The following DNAH9 variants were observed in gnomAD, a reference collection of about 807,000 sequenced individuals.
The protein encoded by DNAH9 is dynein axonemal heavy chain 9.
In DNAH9, 345 loss-of-function variants were observed where a neutral mutation model predicts 471.6. That is an observed-to-expected ratio of 0.73 (90% CI 0.67 to 0.80). DNAH9 has a LOEUF of 0.80. DNAH9 is among the 30% of genes least tolerant of loss of function. The probability of loss-of-function intolerance (pLI) is 0.00; values close to 1 mark genes in which losing one functional copy is unlikely to be tolerated. For missense variants in DNAH9, 5,407 were observed against 5,609.2 expected (o/e 0.96, Z 1.15); for synonymous variants, 2,093 against 2,123.6 (o/e 0.99, Z 0.40).
intron 67 of DNAH9, among the ~76,000 whole-genome samples, chr17:11,946,681 G>GA (rs1225114537): frequency 9.0e-6 from 1 of 110,546 alleles, no homozygotes; most frequent in Non-Finnish European, 2.0e-5. Context: ...AAAAAAAAAA[G>GA]AAAAAGAAAA....
At chr17:11,824,291 T>C (rs911396645) in intron 48 of DNAH9, among the ~76,000 whole-genome samples, 3 of 152,242 alleles carry the variant, frequency 2.0e-5, no homozygotes, top group African/African-American at 7.2e-5. Flanking sequence ...AATTGTTCTA[T>C]TGAACTTTCT....
In DNAH9 at chr17:11,886,924, G is replaced by A. The variant is rs138333222; in HGVS notation, c.11071G>A (p.Asp3691Asn). 6 of 1,612,902 alleles carry A rather than the reference G, an allele frequency of 3.7e-6. No individual in the cohort carries two copies. The highest frequency in any genetic ancestry group is 2.2e-5 in the East Asian group (1 of 44,840). ...CTCACTGCTCTACTTCATCATGAAC[G>A]ACCTCAGCAAGATCCATCCAATGTA... Reference protein sequence around the residue: ...RASLLYFIMNDLSKIHPMYQF... With the variant: ...RASLLYFIMNNLSKIHPMYQF... The change falls in exon 57 of 69, where the codon GAC (aspartate) becomes AAC (asparagine). Residue 3691 changes from aspartate (D) to asparagine (N), a missense_variant. Around this residue, in one of 3 missense-constraint regions of DNAH9, gnomAD observed 4,636 missense variants for 4,900.3 expected, o/e 0.95. Transcript: ENST00000262442.
At position 11,781,149 on chromosome 17, in the gene DNAH9, C is replaced by CGGCAGCATCT; in HGVS notation, c.7696_7705dup (p.Asp2569AlafsTer10). The CGGCAGCATCT allele has an allele frequency of 1.2e-6, 2 of 1,614,126 alleles. No homozygotes were observed. The highest frequency in any genetic ancestry group is 1.7e-6 in the Non-Finnish European group (2 of 1,180,016). Reference sequence around the variant, plus strand: ...GACGGTGCAGCCCCACACCATCATCCGGCAGCATCTGGACTATGGCCACTG... The same window carrying CGGCAGCATCT: ...GACGGTGCAGCCCCACACCATCATCCGGCAGCATCTGGCAGCATCTGGACTATGGCCACTG... On this transcript the variant is annotated frameshift_variant, in exon 39 of 69. Transcript: ENST00000262442. LOFTEE classifies it high-confidence loss of function.
intron 53 of DNAH9, among the ~76,000 whole-genome samples, chr17:11,878,155 G>GT (rs1454213333): frequency 6.6e-6 from 1 of 152,206 alleles, no homozygotes; most frequent in African/African-American, 2.4e-5. Flanking sequence ...ACAGGTGTAT[G>GT]TTCTTTTTGC....
At chr17:11,605,117 C>T (rs1253287948) in intron 1 of DNAH9, among the ~76,000 whole-genome samples, 1 of 152,150 alleles carries the variant, frequency 6.6e-6, no homozygotes, top group African/African-American at 2.4e-5. Context: ...GCTTCCACCT[C>T]GGGGCCTTTG....
At chr17:11,914,740 C>A (rs766357341) in intron 61 of DNAH9, among the ~76,000 whole-genome samples, 1 of 152,074 alleles carries the variant, frequency 6.6e-6, no homozygotes, top group Non-Finnish European at 1.5e-5. Flanking sequence ...TGTCGGTGAC[C>A]TGTTTTTATT....
intron 49 of DNAH9, among the ~76,000 whole-genome samples, chr17:11,842,663 G>A (rs780874831): frequency 6.6e-6 from 1 of 152,216 alleles, no homozygotes; most frequent in Non-Finnish European, 1.5e-5. Flanking sequence ...TCTGATGTTA[G>A]AGGGCAGAAA....
At chr17:11,724,268 T>C (rs1287587898) in intron 27 of DNAH9, among the ~76,000 whole-genome samples, 1 of 152,194 alleles carries the variant, frequency 6.6e-6, no homozygotes, top group African/African-American at 2.4e-5. Context: ...TATTGTGCTG[T>C]TGAACACTAT....
intron 26 of DNAH9, among the ~76,000 whole-genome samples, chr17:11,716,789 G>C (rs779234924): frequency 1.3e-5 from 2 of 152,232 alleles, no homozygotes; most frequent in East Asian, 1.9e-4. Flanking sequence ...CTATGGGACA[G>C]AAAGGCAATG....
At chr17:11,781,556 A>C (rs772254780) in intron 39 of DNAH9, among the ~76,000 whole-genome samples, 17 of 152,194 alleles carry the variant, frequency 1.1e-4, no homozygotes, top group Non-Finnish European at 2.2e-4. Flanking sequence ...AACACACGCC[A>C]GGTGCAGTGG....
At chr17:11,747,526 T>TC in intron 31 of DNAH9, 30 bp from the exon 32 acceptor site, 1 of 1,589,140 alleles carries the variant, frequency 6.3e-7, no homozygotes, top group Non-Finnish European at 8.6e-7. Context: ...CACAGGCTGG[T>TC]CCCTCTGGCT....
chr17:11,822,398 T>G (rs1300901648), intron 46 of DNAH9, 40 bp from the exon 47 acceptor site: 1 of 1,611,726 alleles, frequency 6.2e-7, no homozygotes, highest in East Asian at 2.2e-5. Context: ...AGTATTTCTC[T>G]GATGCCTTCC....
chr17:11,842,582 G>C (rs1971069906), intron 49 of DNAH9, among the ~76,000 whole-genome samples: 1 of 152,172 alleles, frequency 6.6e-6, no homozygotes, highest in Non-Finnish European at 1.5e-5. Flanking sequence ...TCAGTCTGTG[G>C]CCAAGGGCCT....
At chr17:11,777,924 T>C (rs1968499248) in intron 38 of DNAH9, among the ~76,000 whole-genome samples, 1 of 151,940 alleles carries the variant, frequency 6.6e-6, no homozygotes, top group African/African-American at 2.4e-5. Context: ...TATAATGAAA[T>C]TGAAGGGGAT....
intron 67 of DNAH9, among the ~76,000 whole-genome samples, chr17:11,960,819 A>T (rs561864928): frequency 6.6e-6 from 1 of 152,292 alleles, no homozygotes; most frequent in Admixed American, 6.5e-5. Context: ...TCCATGTGCC[A>T]GTCTCCTGTC....
intron 61 of DNAH9, among the ~76,000 whole-genome samples, chr17:11,921,645 C>T (rs968901971): frequency 1.3e-4 from 20 of 152,158 alleles, no homozygotes; most frequent in African/African-American, 4.6e-4. Context: ...GGAAAGACCT[C>T]GCAAGGTTAC....
intron 4 of DNAH9, chr17:11,612,289 C>A: frequency 4.8e-6 from 1 of 209,234 alleles, no homozygotes; most frequent in Non-Finnish European, 9.8e-6. Flanking sequence ...CCTTCCAGGA[C>A]CTGGGATTAT....
chr17:11,669,578 A>G lies in DNAH9; in HGVS notation c.3137A>G (p.Asp1046Gly), dbSNP rs1345060253. ...GAAGAAATTGAAGACCATGTGGAAG[A>G]TGGCATCCCAGAGAACCCTCCCCTC... ...TPEEIEDHVEDGIPENPPLLS... is the reference protein window; with the variant it reads ...TPEEIEDHVEGGIPENPPLLS... Residue 1046 changes from aspartate (D) to glycine (G), a missense_variant, in exon 17 of 69, where the codon GAT becomes GGT. Asp to Gly is a moderately conservative substitution (Grantham distance 94). This residue lies in a region of DNAH9 where 4,636 missense variants were observed against 4,900.3 expected (regional missense o/e 0.95). Transcript: ENST00000262442. The G allele has an allele frequency of 3.1e-6, 5 of 1,614,038 alleles. No homozygotes were observed. In the African/African-American group the frequency reaches 6.7e-5, roughly 22 times the overall value.
At chr17:11,938,600 A>T (rs1392662452) in intron 66 of DNAH9, among the ~76,000 whole-genome samples, 7 of 151,100 alleles carry the variant, frequency 4.6e-5, no homozygotes, top group African/African-American at 1.7e-4. Flanking sequence ...TTTTTTTTTT[A>T]ATTTAATTTT....
Sources: allele counts gnomAD v4.1 joint callset (sites outside exome capture counted in the v4.1 genomes callset), GRCh38; gene constraint gnomAD v4.1.1; regional missense constraint gnomAD v4.1.1; transcripts MANE v1.5; gene names NCBI Gene and HGNC (gene_info 2026-07-23, HGNC 2026-07-21).